Variants in LMBRD2 observed in about 807,000 individuals in gnomAD.
LMBRD2 encodes the protein LMBR1 domain containing 2, also known as G protein-coupled receptor-associated protein LMBRD2.
In LMBRD2, 55 loss-of-function variants were observed where a neutral mutation model predicts 94.4. The observed-to-expected ratio is 0.58, with a 90% CI of 0.47 to 0.73. The LOEUF (loss-of-function observed/expected upper bound fraction) is 0.73, where lower values mean the gene tolerates loss of function less well. Among genes scored for constraint, LMBRD2 ranks in the 30% least tolerant of loss-of-function variants. The pLI is 0.00. For missense variants in LMBRD2, 640 were observed against 831.9 expected (o/e 0.77, Z 2.84); for synonymous variants, 246 against 272.4 (o/e 0.90, Z 0.95).
chr5:36,110,617 C>T (rs1387851970), intron 14 of LMBRD2, among the ~76,000 whole-genome samples: 1 of 152,020 alleles, frequency 6.6e-6, no homozygotes. Context: ...GGGAGAATGT[C>T]TAAGAACCAA....
intron 13 of LMBRD2, among the ~76,000 whole-genome samples, chr5:36,112,164 T>A (rs1165634758): frequency 1.3e-5 from 2 of 152,172 alleles, no homozygotes; most frequent in East Asian, 3.8e-4. Context: ...ATCCATAATA[T>A]ATCTACTTGT....
chr5:36,140,471 C>T (rs766612708), intron 4 of LMBRD2, among the ~76,000 whole-genome samples: 22 of 152,108 alleles, frequency 1.4e-4, no homozygotes, highest in Admixed American at 3.3e-4. Flanking sequence ...TTCCAGCTGG[C>T]AAAACAACAC....
At chr5:36,117,516 A>G (rs2111862941) in intron 10 of LMBRD2, among the ~76,000 whole-genome samples, 1 of 152,192 alleles carries the variant, frequency 6.6e-6, no homozygotes, top group South Asian at 2.1e-4. Context: ...AAAATCTCAG[A>G]TTTCTGCACT....
In LMBRD2 at chr5:36,151,826, G is replaced by C. The variant is rs551888488; in HGVS notation, c.-328C>G. 1 of 209,820 alleles carries C rather than the reference G, an allele frequency of 4.8e-6. No homozygotes were observed. The highest frequency in any genetic ancestry group is 9.9e-6 in the Non-Finnish European group (1 of 101,034). 13.0% of individuals were successfully genotyped at this position (209,820 alleles called of 1,614,324 possible). ...ACGACAGCGCTGGCGATCACCAGAA[G>C]GCCTGCGGGCTCCCGAGAAAGGAAA... On this transcript the variant is annotated 5_prime_UTR_variant, in exon 1 of 18. Transcript: ENST00000296603. This position sits in a 1 kb window ranked among gnomAD's most constrained non-coding sequence, Gnocchi z 4.7.
chr5:36,117,143 A>G lies in LMBRD2; in HGVS notation c.1303-550T>C, dbSNP rs553866779. On this transcript the variant is annotated intron_variant, in intron 10 of 17. Coordinates refer to ENST00000296603, the MANE Select transcript of LMBRD2 (RefSeq NM_001007527.2). ...CCTTCTAATGTGAGCCTGTTTTCCC[A>G]TTCCCTTGGCAACTCTTCACATGAG... 5.3e-4 allele frequency among the ~76,000 whole-genome samples: 80 copies of G among 152,166 alleles called. 1 individual carries two copies. Among genetic ancestry groups the G allele is most frequent in the African/African-American group, 1.4e-3 (59 of 41,512 alleles).
intron 1 of LMBRD2, among the ~76,000 whole-genome samples, chr5:36,148,413 T>C (rs1744605023): frequency 6.6e-6 from 1 of 152,190 alleles, no homozygotes; most frequent in Non-Finnish European, 1.5e-5. Flanking sequence ...AGCAATCATG[T>C]AAGCATATAA....
At position 36,122,392 on chromosome 5, in the gene LMBRD2, A is replaced by G. The variant is rs973001975; in HGVS notation, c.1008T>C (p.Tyr336=). ...QWQILLEQAF[Y]LEDVAKNETS... is the part of the protein sequence containing the mutation. The stretch of plus-strand genomic sequence containing the variant: ...TTTCATTTTTTGCTACATCTTCTAG[A>G]TAAAATGCTTGTTCCAAAAGAATCT... The change falls in exon 9 of 18, where the codon TAT becomes TAC. Residue 336 remains tyrosine (Y), a synonymous_variant. Coordinates refer to ENST00000296603, the MANE Select transcript of LMBRD2 (RefSeq NM_001007527.2). 3.1e-6 allele frequency: 5 copies of G among 1,613,518 alleles called. No individual in the cohort carries two copies. The highest frequency in any genetic ancestry group is 3.4e-6 in the Non-Finnish European group (4 of 1,179,766).
chr5:36,102,182 A>G lies in LMBRD2; in HGVS notation c.*1864T>C, dbSNP rs952401956. The G allele has an allele frequency of 1.3e-5, 2 of 151,970 alleles. No individual in the cohort carries two copies. The highest frequency in any genetic ancestry group is 4.8e-5 in the African/African-American group (2 of 41,438). 9.4% of individuals were successfully genotyped at this position (151,970 alleles called of 1,614,324 possible). Reference sequence around the variant, plus strand: ...TCTGGGATGATCATTTCCCCATCCAATACCTTCAAGTATCACTAGGAAAAA... The same window carrying G: ...TCTGGGATGATCATTTCCCCATCCAGTACCTTCAAGTATCACTAGGAAAAA... On this transcript the variant is annotated 3_prime_UTR_variant, in exon 18 of 18. Coordinates refer to ENST00000296603, the MANE Select transcript of LMBRD2 (RefSeq NM_001007527.2).
In LMBRD2 at chr5:36,122,902, A is replaced by T; in HGVS notation, c.882T>A (p.Asp294Glu). The change falls in exon 8 of 18, where the codon GAT becomes GAA. Residue 294 changes from aspartate to glutamate, a missense_variant. By Grantham distance (45) the Asp-to-Glu change is conservative. Coordinates refer to ENST00000296603, the MANE Select transcript of LMBRD2 (RefSeq NM_001007527.2). ...GRNMDDYEDFDEKHSIYPSEK... is the reference protein window; with the variant it reads ...GRNMDDYEDFEEKHSIYPSEK... ...CACTTGGATAGATACTATGCTTTTC[A>T]TCAAAATCTTCATAATCATCCATGT... is the stretch of plus-strand genomic sequence containing the variant. The T allele has an allele frequency of 6.3e-7, 1 of 1,586,608 alleles. No homozygotes were observed. Among genetic ancestry groups the T allele is most frequent in the Non-Finnish European group, 8.5e-7 (1 of 1,171,166 alleles).
intron 6 of LMBRD2, among the ~76,000 whole-genome samples, chr5:36,125,178 G>A (rs1174825529): frequency 6.6e-6 from 1 of 152,114 alleles, no homozygotes; most frequent in Non-Finnish European, 1.5e-5. Flanking sequence ...AGAACCAGTA[G>A]TTCCTAAGGA....
rs1020167080 is a variant in LMBRD2 at position 36,117,191 on chromosome 5, C to T, written c.1302+544G>A. Among the ~76,000 whole-genome samples the T allele has an allele frequency of 7.9e-5, 12 of 152,076 alleles. No homozygotes were observed. In the South Asian group the frequency reaches 1.5e-3, roughly 18 times the overall value. On this transcript the variant is annotated intron_variant, in intron 10 of 17. Coordinates refer to ENST00000296603, the MANE Select transcript of LMBRD2 (RefSeq NM_001007527.2). ...GAGGCCTATAAGTTATGTAGCTTTA[C>T]TGGCATAAATATAATCAAAGTATTC...
intron 6 of LMBRD2, among the ~76,000 whole-genome samples, chr5:36,124,977 TAAAAAC>T (rs1270718638): frequency 2.0e-5 from 3 of 151,836 alleles, no homozygotes; most frequent in Admixed American, 1.3e-4. Context: ...TAGAATAACT[TAAAAAC>T]AAACAAACAA....
In LMBRD2 at chr5:36,130,202, TAAAG is replaced by T. The variant is rs566517157; in HGVS notation, c.748-5941_748-5938del. 2.5e-3 allele frequency among the ~76,000 whole-genome samples: 385 copies of T among 151,826 alleles called. 2 individuals are homozygous for T. Among genetic ancestry groups the T allele is most frequent in the African/African-American group, 8.8e-3 (363 of 41,412 alleles). Reference sequence around the variant, plus strand: ...AAAGTATAATAATAATAAAATAAAATAAAGAAAAATAACTACAACAACTTTTTAA... The same window carrying T: ...AAAGTATAATAATAATAAAATAAAATAAAAATAACTACAACAACTTTTTAA... On this transcript the variant is annotated intron_variant, in intron 6 of 17. Transcript: ENST00000296603.
chr5:36,141,698 C>T (rs767861557), intron 3 of LMBRD2, among the ~76,000 whole-genome samples: 23 of 151,772 alleles, frequency 1.5e-4, no homozygotes, highest in Non-Finnish European at 2.5e-4. Context: ...TATGGAGATG[C>T]ATGCTAGCAA....
rs573839190 is a variant in LMBRD2, at chr5:36,099,619, C to T, written c.*4427G>A. 6.6e-6 allele frequency: 1 copy of T among 152,124 alleles called. No homozygotes were observed. The highest frequency in any genetic ancestry group is 2.1e-4 in the South Asian group (1 of 4,824). The allele number at this position is 152,124 out of a possible 1,614,324, so 9.4% of individuals were successfully genotyped here. On this transcript the variant is annotated 3_prime_UTR_variant, in exon 18 of 18. Coordinates refer to ENST00000296603, the MANE Select transcript of LMBRD2 (RefSeq NM_001007527.2). ...AGTTTAAATAAATTATGATTTTACCCTACATATGTCTGCAATAGTAAATCA... is the reference window on the plus strand; with the variant it reads ...AGTTTAAATAAATTATGATTTTACCTTACATATGTCTGCAATAGTAAATCA...
chr5:36,129,768 A>G lies in LMBRD2; in HGVS notation c.748-5503T>C, dbSNP rs927553513. ...AACTACTCATATCTTGAGACAAACCAATGAAAAATAACCAACCCAAATGTC... is the reference window on the plus strand; with the variant it reads ...AACTACTCATATCTTGAGACAAACCGATGAAAAATAACCAACCCAAATGTC... On this transcript the variant is annotated intron_variant, in intron 6 of 17. Coordinates refer to ENST00000296603, the MANE Select transcript of LMBRD2 (RefSeq NM_001007527.2). Among the ~76,000 whole-genome samples the G allele has an allele frequency of 2.0e-5, 3 of 152,344 alleles. No individual in the cohort carries two copies. The East Asian group carries it at 5.8e-4, about 29-fold the overall frequency.
intron 7 of LMBRD2, among the ~76,000 whole-genome samples, chr5:36,123,965 C>T (rs1056558689): frequency 1.3e-5 from 2 of 151,758 alleles, no homozygotes; most frequent in Non-Finnish European, 2.9e-5. Flanking sequence ...TTATATATTA[C>T]TCAACCTCTA....
intron 9 of LMBRD2, 32 bp from the exon 10 acceptor site, chr5:36,117,948 A>T (rs1324548519): frequency 2.7e-6 from 4 of 1,502,326 alleles, no homozygotes; most frequent in Non-Finnish European, 3.6e-6. Flanking sequence ...TGATTAGGAA[A>T]ACTACAAAAG....
At chr5:36,122,574 T>C in intron 8 of LMBRD2, 111 bp from the exon 9 acceptor site, 1 of 969,228 alleles carries the variant, frequency 1.0e-6, no homozygotes, top group Non-Finnish European at 1.6e-6. Context: ...TGCTAGGGCA[T>C]TTACTGGGTC....
Sources: gnomAD v4.1 joint callset for allele counts (sites outside exome capture counted in the v4.1 genomes callset) on GRCh38, gnomAD v4.1.1 for gene constraint, Gnocchi (gnomAD v3.1) non-coding constraint, MANE v1.5 for transcripts, NCBI Gene and HGNC (gene_info 2026-07-23, HGNC 2026-07-21) for gene names.